Variants in ME1 observed in about 807,000 individuals in gnomAD.
ME1 encodes the protein malic enzyme 1, also known as NADP-dependent malic enzyme.
In ME1, 74 loss-of-function variants were observed where a neutral mutation model predicts 66.4. The observed-to-expected ratio is 1.11, with a 90% confidence interval of 0.92 to 1.35. The LOEUF (loss-of-function observed/expected upper bound fraction) is 1.35, where lower values mean the gene tolerates loss of function less well. Ranked by LOEUF, ME1 falls within the 40% of genes most tolerant of loss-of-function variation. The pLI, the probability that ME1 is intolerant of heterozygous loss-of-function variation, is 0.00. For missense variants in ME1, 750 were observed against 694.1 expected, an observed-to-expected ratio of 1.08 and a Z score of -0.90; for synonymous variants, 251 against 235.6, an observed-to-expected ratio of 1.07 and a Z score of -0.60.
intron 5 of ME1, among the ~76,000 whole-genome samples, chr6:83,326,811 A>G (rs532718110): frequency 6.6e-6 from 1 of 152,280 alleles, no homozygotes; most frequent in Admixed American, 6.5e-5. Context: ...TTCAACCACT[A>G]TGGAAGACAG....
intron 3 of ME1, among the ~76,000 whole-genome samples, chr6:83,362,557 CTGGCTA>C (rs1769024615): frequency 6.6e-6 from 1 of 152,214 alleles, no homozygotes; most frequent in Non-Finnish European, 1.5e-5. Context: ...CAAGGCTGAC[CTGGCTA>C]TGGCCACTGC....
chr6:83,248,384 T>C (rs907486006), intron 7 of ME1, among the ~76,000 whole-genome samples: 4 of 152,184 alleles, frequency 2.6e-5, no homozygotes, highest in African/African-American at 9.7e-5. Context: ...GCAAAATGAA[T>C]TGACAAGTGA....
In ME1 at chr6:83,223,635, G is replaced by A. The variant is rs962375390; in HGVS notation, c.1449+125C>T. ...CCCACCCCTTATACTCCACTGGGAAGTTCTTCAGACTTTACTTCTTTCAGA... is the reference window on the plus strand; with the variant it reads ...CCCACCCCTTATACTCCACTGGGAAATTCTTCAGACTTTACTTCTTTCAGA... On this transcript the variant is annotated intron_variant, in intron 12 of 13. Transcript: ENST00000369705. The A allele has an allele frequency of 4.5e-6, 4 of 883,794 alleles. No homozygotes were observed. In the Admixed American group the frequency reaches 8.2e-5, roughly 18 times the overall value. The allele number at this position is 883,794 out of a possible 1,614,324, so 54.7% of individuals were successfully genotyped here. A position where few individuals can be genotyped will look rare whatever the true frequency, so the allele number is the denominator to read the frequency against.
rs145285492 is a variant in ME1, at chr6:83,357,730, T to A, written c.363-5591A>T. Among the ~76,000 whole-genome samples, 839 of 151,698 alleles carry A rather than the reference T, an allele frequency of 5.5e-3. 8 individuals carry two copies. Among genetic ancestry groups the A allele is most frequent in the African/African-American group, 0.019 (794 of 41,360 alleles). ...GCAGAAAAATGTGAAAAGAGAGGCT[T>A]GCCTAGCCTCCCAGCCTACATCTTT... is the stretch of plus-strand genomic sequence containing the variant. On this transcript the variant is annotated intron_variant, in intron 3 of 13. Coordinates refer to ENST00000369705, the MANE Select transcript of ME1 (RefSeq NM_002395.6).
At chr6:83,268,604 C>A (rs1767029688) in intron 6 of ME1, among the ~76,000 whole-genome samples, 1 of 151,942 alleles carries the variant, frequency 6.6e-6, no homozygotes, top group Non-Finnish European at 1.5e-5. Context: ...CTCACTTTGT[C>A]ACCCAGGCTG....
Position 83,228,837 on chromosome 6 carries a change from G to A in ME1, c.1121C>T (p.Thr374Ile). Reference sequence around the variant, plus strand: ...GAGAAAATGCTTACCTATGAGGGCAGTTGGTTTTATTTCTTGAACAATGGC... The same window carrying A: ...GAGAAAATGCTTACCTATGAGGGCAATTGGTTTTATTTCTTGAACAATGGC... ...LEAIVQEIKPTALIGVAAIGG... is the reference protein window; with the variant it reads ...LEAIVQEIKPIALIGVAAIGG... The change falls in exon 10 of 14, where the codon ACT (threonine) becomes ATT (isoleucine). Residue 374 changes from threonine (T) to isoleucine (I), a missense_variant. By Grantham distance (89) the Thr-to-Ile change is moderately conservative. Coordinates refer to ENST00000369705, the MANE Select transcript of ME1 (RefSeq NM_002395.6). 1.2e-6 allele frequency: 2 copies of A among 1,608,302 alleles called. No individual in the cohort carries two copies. The highest frequency in any genetic ancestry group is 1.7e-6 in the Non-Finnish European group (2 of 1,176,788).
chr6:83,253,770 G>T, intron 6 of ME1, 32 bp from the exon 7 acceptor site: 1 of 1,076,178 alleles, frequency 9.3e-7, no homozygotes, highest in Non-Finnish European at 1.4e-6. Flanking sequence ...ATTAGAAGAG[G>T]TTAATAAAAT....
At chr6:83,309,801 G>A (rs1767897822) in intron 6 of ME1, among the ~76,000 whole-genome samples, 1 of 152,056 alleles carries the variant, frequency 6.6e-6, no homozygotes, top group African/African-American at 2.4e-5. Flanking sequence ...CAGGGAGTGG[G>A]GAAGATGAAA....
intron 9 of ME1, among the ~76,000 whole-genome samples, chr6:83,236,268 G>A (rs1186465452): frequency 9.2e-5 from 14 of 151,924 alleles, no homozygotes; most frequent in Non-Finnish European, 1.0e-4. Flanking sequence ...TGTAAATAAT[G>A]CTGCAATAAT....
chr6:83,285,351 A>C lies in ME1; in HGVS notation c.704+29959T>G, dbSNP rs555901526. On this transcript the variant is annotated intron_variant, in intron 6 of 13. Transcript: ENST00000369705. ...ACCAGAGATAAAGTGAATACATTTA[A>C]CAAATTATAGTGAGTGCTTACTTGC... Among the ~76,000 whole-genome samples, 3 of 152,324 alleles carry C rather than the reference A, an allele frequency of 2.0e-5. No homozygotes were observed. The South Asian group carries it at 6.2e-4, about 32-fold the overall frequency.
intron 3 of ME1, among the ~76,000 whole-genome samples, chr6:83,360,044 A>G (rs1246161387): frequency 6.6e-6 from 1 of 151,326 alleles, no homozygotes; most frequent in African/African-American, 2.4e-5. Context: ...GTTCCTACTT[A>G]ATCTACACAA....
intron 6 of ME1, among the ~76,000 whole-genome samples, chr6:83,297,537 A>G (rs1322451837): frequency 6.6e-6 from 1 of 152,154 alleles, no homozygotes. Context: ...GGAACAGTGT[A>G]GAGAGTCCAG....
chr6:83,357,019 CT>C (rs1359548385), intron 3 of ME1, among the ~76,000 whole-genome samples: 2 of 152,108 alleles, frequency 1.3e-5, no homozygotes, highest in African/African-American at 4.8e-5. Flanking sequence ...TCAGTCTTTC[CT>C]TGACTTTCAA....
chr6:83,407,740 A>T (rs1769973137), intron 2 of ME1, 28 bp downstream of exon 2: 2 of 1,543,238 alleles, frequency 1.3e-6, no homozygotes, highest in African/African-American at 2.8e-5. Context: ...TAAGAGAAAT[A>T]TAAAAACCAC....
chr6:83,228,976 T>G (rs960034172), intron 9 of ME1, 45 bp from the exon 10 acceptor site: 3 of 1,289,414 alleles, frequency 2.3e-6, no homozygotes, highest in East Asian at 4.6e-5. Flanking sequence ...GCCAAACATG[T>G]GAGGGTCAAT....
intron 6 of ME1, among the ~76,000 whole-genome samples, chr6:83,284,077 CAGA>C (rs1767354855): frequency 6.6e-6 from 1 of 152,094 alleles, no homozygotes; most frequent in Non-Finnish European, 1.5e-5. Flanking sequence ...CACAGAAACA[CAGA>C]AGATTCTCAG....
chr6:83,319,934 T>C (rs986794848), intron 5 of ME1, among the ~76,000 whole-genome samples: 3 of 152,218 alleles, frequency 2.0e-5, no homozygotes, highest in African/African-American at 7.2e-5. Flanking sequence ...AACACAGAAA[T>C]GAGTTCCACC....
At chr6:83,246,366 C>T (rs1217954886) in intron 7 of ME1, among the ~76,000 whole-genome samples, 1 of 151,940 alleles carries the variant, frequency 6.6e-6, no homozygotes, top group Non-Finnish European at 1.5e-5. Context: ...ACCTGTAATC[C>T]CACTGTGTAG....
At chr6:83,315,852 G>A (rs1044880183) in intron 5 of ME1, among the ~76,000 whole-genome samples, 1 of 152,004 alleles carries the variant, frequency 6.6e-6, no homozygotes, top group South Asian at 2.1e-4. Flanking sequence ...AACCAAGATC[G>A]CACCACTGCA....
Sources: gnomAD v4.1 joint callset for allele counts (sites outside exome capture counted in the v4.1 genomes callset) on GRCh38, gnomAD v4.1.1 for gene constraint, MANE v1.5 for transcripts, NCBI Gene and HGNC (gene_info 2026-07-23, HGNC 2026-07-21) for gene names.